Variants in ZNF385D observed in about 807,000 individuals in gnomAD.
The protein encoded by ZNF385D is zinc finger protein 659.
In ZNF385D, 15 loss-of-function variants were observed where a neutral mutation model predicts 35.8. The observed-to-expected ratio is 0.42, with a 90% CI of 0.28 to 0.64. ZNF385D has a LOEUF of 0.64. ZNF385D is among the 30% of genes least tolerant of loss of function. The pLI, the probability that ZNF385D is intolerant of heterozygous loss-of-function variation, is 0.23. For synonymous variants in ZNF385D, 212 were observed against 186.8 expected, an observed-to-expected ratio of 1.13 and a Z score of -1.10; for missense variants, 474 against 494.6, an observed-to-expected ratio of 0.96 and a Z score of 0.39.
intron 2 of ZNF385D, among the ~76,000 whole-genome samples, chr3:22,315,574 C>T (rs553585081): frequency 5.8e-4 from 88 of 152,176 alleles, no homozygotes; most frequent in African/African-American, 1.9e-3. Context: ...AAATTCAAAA[C>T]GGAAGGAGTT....
chr3:22,372,198 C>T (rs559343056), intron 2 of ZNF385D, among the ~76,000 whole-genome samples: 1 of 152,264 alleles, frequency 6.6e-6, no homozygotes, highest in Non-Finnish European at 1.5e-5. Flanking sequence ...CCGCGCTCTT[C>T]ACTCTGGCCC....
At chr3:21,533,723 G>T (rs545568774) in intron 3 of ZNF385D, among the ~76,000 whole-genome samples, 2 of 152,064 alleles carry the variant, frequency 1.3e-5, no homozygotes, top group South Asian at 4.2e-4. Context: ...ATCATAAATT[G>T]CTCCTAGAAT....
chr3:21,460,427 T>C (rs1421613561), intron 4 of ZNF385D, among the ~76,000 whole-genome samples: 2 of 152,222 alleles, frequency 1.3e-5, no homozygotes, highest in Admixed American at 1.3e-4. Flanking sequence ...CATTTAACTT[T>C]GATTATGCTA....
chr3:22,014,401 C>G (rs1372603933), intron 3 of ZNF385D, among the ~76,000 whole-genome samples: 1 of 152,052 alleles, frequency 6.6e-6, no homozygotes, highest in Non-Finnish European at 1.5e-5. Flanking sequence ...GATAACAATC[C>G]TACAAGATGC....
At chr3:21,803,186 C>G (rs1357118265) in intron 3 of ZNF385D, among the ~76,000 whole-genome samples, 1 of 152,070 alleles carries the variant, frequency 6.6e-6, no homozygotes, top group African/African-American at 2.4e-5. Context: ...GCTCCAGGAA[C>G]CTAAGGGTAG....
At chr3:21,949,956 T>C (rs78972564) in intron 3 of ZNF385D, among the ~76,000 whole-genome samples, 10,969 of 152,204 alleles carry the variant, frequency 0.072, 1,291 homozygotes, top group African/African-American at 0.25. Context: ...TAGTTTATCA[T>C]TGATGTGCAT....
At chr3:21,658,356 G>A (rs189171618) in intron 2 of ZNF385D, among the ~76,000 whole-genome samples, 13 of 152,098 alleles carry the variant, frequency 8.5e-5, no homozygotes, top group Admixed American at 5.2e-4. Context: ...GAGATGACTC[G>A]AGTCTATGCT....
intron 2 of ZNF385D, among the ~76,000 whole-genome samples, chr3:22,190,115 G>A (rs1695915652): frequency 6.6e-6 from 1 of 152,150 alleles, no homozygotes; most frequent in Non-Finnish European, 1.5e-5. Context: ...GGTAAGTGTT[G>A]CCATCACAGT....
In ZNF385D at chr3:22,317,403, A is replaced by C. The variant is rs79263170; in HGVS notation, c.106+55047T>G. The stretch of plus-strand genomic sequence containing the variant: ...CAAGAAAGAGCAACCACCACTGGAA[A>C]ATAAAAGAGACTGGGAGTCATCACC... On this transcript the variant is annotated intron_variant, in intron 2 of 5. Coordinates refer to the ZNF385D transcript ENST00000494108. 8.8e-4 allele frequency among the ~76,000 whole-genome samples: 134 copies of C among 152,204 alleles called. No homozygotes were observed. In the East Asian group the frequency reaches 0.025, roughly 28 times the overall value.
At chr3:22,074,613 G>A (rs762984401) in intron 3 of ZNF385D, among the ~76,000 whole-genome samples, 1 of 151,808 alleles carries the variant, frequency 6.6e-6, no homozygotes, top group Non-Finnish European at 1.5e-5. Flanking sequence ...TATTTCCATA[G>A]TTTGTTTAAT....
intron 3 of ZNF385D, among the ~76,000 whole-genome samples, chr3:22,020,782 C>T (rs11916236): frequency 0.051 from 7,799 of 151,872 alleles, 683 homozygotes; most frequent in African/African-American, 0.17. Flanking sequence ...TGGGTATCTA[C>T]TGAAAGGAAA....
intron 3 of ZNF385D, among the ~76,000 whole-genome samples, chr3:22,024,041 G>T (rs923056134): frequency 3.9e-5 from 6 of 152,106 alleles, no homozygotes; most frequent in Non-Finnish European, 7.4e-5. Context: ...AGTGGACTGG[G>T]AAAGGCAGAC....
intron 3 of ZNF385D, among the ~76,000 whole-genome samples, chr3:21,896,630 A>G (rs141085353): frequency 1.2e-3 from 184 of 152,194 alleles, no homozygotes; most frequent in Non-Finnish European, 2.4e-3. Context: ...TTGTGGTACA[A>G]ATTGTGTGAT....
intron 3 of ZNF385D, among the ~76,000 whole-genome samples, chr3:21,880,864 C>G (rs1184988808): frequency 6.6e-6 from 1 of 151,678 alleles, no homozygotes; most frequent in Admixed American, 6.6e-5. Flanking sequence ...AGCCTTATTG[C>G]TGATACGAAG....
At chr3:21,657,881 C>T (rs953722067) in intron 2 of ZNF385D, among the ~76,000 whole-genome samples, 4 of 151,796 alleles carry the variant, frequency 2.6e-5, no homozygotes, top group East Asian at 1.9e-4. Context: ...AAGGCATTTC[C>T]GTAGCTGGAG....
At chr3:21,523,544 C>T (rs899303453) in intron 3 of ZNF385D, among the ~76,000 whole-genome samples, 4 of 152,148 alleles carry the variant, frequency 2.6e-5, no homozygotes, top group Non-Finnish European at 5.9e-5. Context: ...GGGTCTTCTT[C>T]AATTTTTCAG....
At chr3:21,796,866 T>G (rs1575665550) in intron 3 of ZNF385D, among the ~76,000 whole-genome samples, 1 of 152,186 alleles carries the variant, frequency 6.6e-6, no homozygotes, top group Admixed American at 6.5e-5. Flanking sequence ...CACTGGTAAC[T>G]TGTTGACAGG....
intron 2 of ZNF385D, among the ~76,000 whole-genome samples, chr3:22,275,940 C>A (rs1259891016): frequency 1.3e-5 from 2 of 152,048 alleles, no homozygotes; most frequent in East Asian, 1.9e-4. Context: ...CAAAAATTAG[C>A]TGGGCATGGT....
At chr3:21,573,744 A>T (rs141545506) in intron 2 of ZNF385D, among the ~76,000 whole-genome samples, 1 of 152,136 alleles carries the variant, frequency 6.6e-6, no homozygotes, top group Non-Finnish European at 1.5e-5. Flanking sequence ...GGAAGTTAGA[A>T]TCATATCACT....
Sources: allele counts gnomAD v4.1 joint callset (sites outside exome capture counted in the v4.1 genomes callset), GRCh38; gene constraint gnomAD v4.1.1; transcripts MANE v1.5; gene names NCBI Gene and HGNC (gene_info 2026-07-23, HGNC 2026-07-21).